Variants in NTAQ1 observed in about 807,000 individuals in gnomAD.
The protein encoded by NTAQ1 is N-terminal glutamine amidase 1, also known as protein N-terminal glutamine amidohydrolase.
Under a neutral mutation model 28.2 loss-of-function variants are expected in NTAQ1, and 21 were observed. That is an observed-to-expected ratio of 0.74 (90% confidence interval 0.53 to 1.07). NTAQ1 has a LOEUF of 1.07. NTAQ1 is among the 50% of genes least tolerant of loss of function. The pLI, the probability that NTAQ1 is intolerant of heterozygous loss-of-function variation, is 0.00. For missense variants in NTAQ1, 264 were observed against 256.6 expected (o/e 1.03, Z -0.20); for synonymous variants, 105 against 90.0 (o/e 1.17, Z -0.94).
intron 6 of NTAQ1, among the ~76,000 whole-genome samples, chr8:123,461,841 G>A (rs925447811): frequency 3.9e-5 from 6 of 152,158 alleles, no homozygotes; most frequent in African/African-American, 7.2e-5. Context: ...AGAGACTCTT[G>A]TGCTCCTTCT....
chr8:123,424,908 C>G (rs1056494871), intron 1 of NTAQ1, among the ~76,000 whole-genome samples: 6 of 152,130 alleles, frequency 3.9e-5, no homozygotes, highest in Admixed American at 6.6e-5. Context: ...ATCATATCCT[C>G]CAAGCACTTA....
chr8:123,430,736 G>T (rs1330623029), intron 3 of NTAQ1, among the ~76,000 whole-genome samples: 1 of 152,034 alleles, frequency 6.6e-6, no homozygotes, highest in Non-Finnish European at 1.5e-5. Flanking sequence ...AGCTGAGATT[G>T]CTTCACTGTA....
chr8:123,459,800 C>CTT lies in NTAQ1; in HGVS notation c.373-7260_373-7259dup, dbSNP rs35644112. Among the ~76,000 whole-genome samples the CTT allele has an allele frequency of 9.8e-3, 1,166 of 119,564 alleles. 31 individuals are homozygous for CTT. Among genetic ancestry groups the CTT allele is most frequent in the East Asian group, 0.05 (201 of 3,994 alleles). 78.4% of individuals were successfully genotyped at this position (119,564 alleles called of 152,430 possible). On this transcript the variant is annotated intron_variant, in intron 6 of 6. Coordinates refer to the NTAQ1 transcript ENST00000650311. ...GGGGTGGAGACCAATATACATCATT[C>CTT]TTTTTTTTTTTTTTTTTTTTGAGAT...
At chr8:123,421,864 A>AT (rs199998137) in intron 1 of NTAQ1, among the ~76,000 whole-genome samples, 27,213 of 149,708 alleles carry the variant, frequency 0.18, 2,849 homozygotes, top group Non-Finnish European at 0.25. Context: ...AATTTTTTGT[A>AT]TTTTTTTTTA....
chr8:123,468,163 TAGGGAATA>T (rs1206231818), exon 7 of NTAQ1, among the ~76,000 whole-genome samples: 2 of 152,152 alleles, frequency 1.3e-5, no homozygotes, highest in Admixed American at 6.5e-5. Flanking sequence ...GGTAGTGGGG[TAGGGAATA>T]AGCTTCCTCC....
chr8:123,420,628 G>A (rs1002017764), intron 1 of NTAQ1, among the ~76,000 whole-genome samples: 3 of 112,932 alleles, frequency 2.7e-5, no homozygotes, highest in Non-Finnish European at 5.0e-5. Flanking sequence ...GTCTCACTCT[G>A]TCACCTAGGC....
intron 6 of NTAQ1, among the ~76,000 whole-genome samples, chr8:123,457,432 G>A (rs1048877253): frequency 6.6e-6 from 1 of 152,076 alleles, no homozygotes; most frequent in Non-Finnish European, 1.5e-5. Context: ...TGGTGCAAAA[G>A]TAATTGCAGT....
chr8:123,428,405 C>A (rs1337077005), intron 2 of NTAQ1, among the ~76,000 whole-genome samples: 1 of 152,066 alleles, frequency 6.6e-6, no homozygotes, highest in Non-Finnish European at 1.5e-5. Context: ...GCTATGTTGG[C>A]CAGGCTGGTC....
rs111749551 is a variant in NTAQ1 at position 123,434,789 on chromosome 8, A to G, written c.235-1664A>G. On this transcript the variant is annotated intron_variant, in intron 3 of 5. Transcript: ENST00000287387. The stretch of plus-strand genomic sequence containing the variant: ...CTTGTGTGGTAGAAAGAGGTAGAGA[A>G]GGTTGCTGCAGATGGAGGGGAATGA... Among the ~76,000 whole-genome samples the G allele has an allele frequency of 4.5e-3, 688 of 152,258 alleles. 4 individuals are homozygous for G. Among genetic ancestry groups the G allele is most frequent in the Non-Finnish European group, 5.6e-3 (381 of 68,020 alleles).
At chr8:123,466,038 G>A in intron 6 of NTAQ1, among the ~76,000 whole-genome samples, 1 of 152,188 alleles carries the variant, frequency 6.6e-6, no homozygotes, top group East Asian at 1.9e-4. Flanking sequence ...CCCTCTGGGA[G>A]GGTGAGAGGA....
rs1435273139 is a variant in NTAQ1 at position 123,438,372 on chromosome 8, G to A, written c.508+1038G>A. 4 of 528,486 alleles carry A rather than the reference G, an allele frequency of 7.6e-6. No individual in the cohort carries two copies. In the Admixed American group the frequency reaches 9.9e-5, roughly 13 times the overall value. The allele number at this position is 528,486 out of a possible 1,614,324, so 32.7% of individuals were successfully genotyped here. ...GGCAGTAGTGTTAGTACTTCAACAAGGGTCTGAGCGTGGTGGCTTATGCCT... is the reference window on the plus strand; with the variant it reads ...GGCAGTAGTGTTAGTACTTCAACAAAGGTCTGAGCGTGGTGGCTTATGCCT... On this transcript the variant is annotated intron_variant, in intron 5 of 5. Transcript: ENST00000287387.
At chr8:123,438,931 C>T (rs1814881524) in intron 5 of NTAQ1, among the ~76,000 whole-genome samples, 1 of 152,180 alleles carries the variant, frequency 6.6e-6, no homozygotes, top group Non-Finnish European at 1.5e-5. Flanking sequence ...GCATCTATGG[C>T]AACCTGCTCT....
intron 1 of NTAQ1, among the ~76,000 whole-genome samples, chr8:123,419,081 G>GTTTTTTTTTTTTTTTT (rs762479894): frequency 8.3e-6 from 1 of 119,920 alleles, no homozygotes; most frequent in Non-Finnish European, 1.7e-5. Flanking sequence ...AGCTTTGGGG[G>GTTTTTTTTTTTTTTTT]TTTTTTTTTT....
chr8:123,451,077 T>C (rs981138049), downstream of NTAQ1, among the ~76,000 whole-genome samples: 1 of 152,128 alleles, frequency 6.6e-6, no homozygotes, highest in African/African-American at 2.4e-5. Flanking sequence ...CCCCGTTAGG[T>C]TTCTTTTGGT....
downstream of NTAQ1, among the ~76,000 whole-genome samples, chr8:123,450,227 A>T (rs1055311627): frequency 3.3e-5 from 5 of 151,376 alleles, no homozygotes; most frequent in Non-Finnish European, 5.9e-5. Context: ...AGAAAGTGGT[A>T]TTAGAAGGGG....
At chr8:123,449,859 T>TTCTCTCTC (rs112959997), downstream of NTAQ1, among the ~76,000 whole-genome samples, 1,031 of 111,212 alleles carry the variant, frequency 9.3e-3, 28 homozygotes, top group African/African-American at 0.033. Flanking sequence ...GCTCGCTGCT[T>TTCTCTCTC]TCTCTCTCTC....
chr8:123,435,558 CAG>C (rs1016678331), intron 3 of NTAQ1: 45 of 982,946 alleles, frequency 4.6e-5, no homozygotes, highest in Non-Finnish European at 5.4e-5. Context: ...TCTTTATATA[CAG>C]ATAGCTTTTA....
chr8:123,472,973 C>T (rs1816055421), downstream of NTAQ1, among the ~76,000 whole-genome samples: 1 of 152,106 alleles, frequency 6.6e-6, no homozygotes, highest in Non-Finnish European at 1.5e-5. Flanking sequence ...ATTAGTTTAC[C>T]TTCATTTGAA....
At chr8:123,435,302 A>C (rs1451755976) in intron 3 of NTAQ1, 1 of 184,614 alleles carries the variant, frequency 5.4e-6, no homozygotes, top group Non-Finnish European at 1.0e-5. Context: ...CTGTGTGGGA[A>C]AAGCTGTCTT....
Sources: gnomAD v4.1 joint callset for allele counts (sites outside exome capture counted in the v4.1 genomes callset) on GRCh38, gnomAD v4.1.1 for gene constraint, MANE v1.5 for transcripts, NCBI Gene and HGNC (gene_info 2026-07-23, HGNC 2026-07-21) for gene names.